Variants in NUPR1 observed in about 807,000 individuals in gnomAD.
The protein encoded by NUPR1 is nuclear protein 1, transcriptional regulator.
In NUPR1, 8 loss-of-function variants were observed where a neutral mutation model predicts 7.3. The observed-to-expected ratio is 1.09, with a 90% CI of 0.64 to 1.97. The LOEUF (loss-of-function observed/expected upper bound fraction) is 1.97. Among genes scored for constraint, NUPR1 ranks in the 30% most tolerant of loss-of-function variants. The probability of loss-of-function intolerance (pLI) is 0.00; values close to 1 mark genes in which losing one functional copy is unlikely to be tolerated. For synonymous variants in NUPR1, 39 were observed against 44.5 expected (o/e 0.88, Z 0.49); for missense variants, 96 against 111.7 (o/e 0.86, Z 0.63).
rs2046605012 is a variant in NUPR1 at position 28,535,503 on chromosome 16, T to TTTTCTTTCTTTCTTTCCTTC, written c.*2179_*2180insGAAGGAAAGAAAGAAAGAAA. The TTTTCTTTCTTTCTTTCCTTC allele has an allele frequency of 1.0e-5, 1 of 98,470 alleles. No homozygotes were observed. The highest frequency in any genetic ancestry group is 4.0e-5 in the African/African-American group (1 of 24,740). The allele number at this position is 98,470 out of a possible 1,614,324, so 6.1% of individuals were successfully genotyped here. A position where few individuals can be genotyped will look rare whatever the true frequency, so the allele number is the denominator to read the frequency against. Reference sequence around the variant, plus strand: ...TGAGCCACTGTGCCGGGGCTCGCTCTTTTCTTTCTTTCTTTCTTTCTTTCT... The same window carrying TTTTCTTTCTTTCTTTCCTTC: ...TGAGCCACTGTGCCGGGGCTCGCTCTTTTCTTTCTTTCTTTCCTTCTTTCTTTCTTTCTTTCTTTCTTTCT... On this transcript the variant is annotated 3_prime_UTR_variant, in exon 3 of 3. Transcript: ENST00000324873.
rs1555472537 is a variant in NUPR1, at chr16:28,535,552, T to TTTCTTTCC, written c.*2130_*2131insGGAAAGAA. ...CTTTCTTTCTTTCTTTCCTTCTTTC[T>TTTCTTTCC]TTCTTTCTTTCCTTCCTTCCTTTCT... On this transcript the variant is annotated 3_prime_UTR_variant, in exon 3 of 3. Transcript: ENST00000324873. 1.4e-3 allele frequency: 45 copies of TTTCTTTCC among 31,744 alleles called. No individual in the cohort carries two copies. Among genetic ancestry groups the TTTCTTTCC allele is most frequent in the East Asian group, 4.5e-3 (3 of 660 alleles). The allele number at this position is 31,744 out of a possible 1,614,324, so 2.0% of individuals were successfully genotyped here.
chr16:28,535,575 T>TTCCTTCCTTCCTTC lies in NUPR1; in HGVS notation c.*2107_*2108insGAAGGAAGGAAGGA, dbSNP rs1244240251. On this transcript the variant is annotated 3_prime_UTR_variant, in exon 3 of 3. Transcript: ENST00000324873. ...TCTTTCTTTCTTTCCTTCCTTCCTT[T>TTCCTTCCTTCCTTC]CTTTCTTTCTTTCTTTCTTTCTTTC... 25 of 41,400 alleles carry TTCCTTCCTTCCTTC rather than the reference T, an allele frequency of 6.0e-4. No homozygotes were observed. In the East Asian group the frequency reaches 0.016, roughly 26 times the overall value. 2.6% of individuals were successfully genotyped at this position (41,400 alleles called of 1,614,324 possible).
chr16:28,537,657 G>T lies in NUPR1; in HGVS notation c.*26C>A. ...CTCTATTGCTGGGTGTAGTGTCCAT[G>T]GTCTGGCCTCATCTGGGGGGTGAGG... On this transcript the variant is annotated 3_prime_UTR_variant, in exon 3 of 3. Coordinates refer to ENST00000324873, the MANE Select transcript of NUPR1 (RefSeq NM_012385.3). 4.2e-6 allele frequency: 1 copy of T among 235,410 alleles called. No homozygotes were observed. Among genetic ancestry groups the T allele is most frequent in the South Asian group, 6.0e-5 (1 of 16,578 alleles). 14.6% of individuals were successfully genotyped at this position (235,410 alleles called of 1,614,324 possible).
rs71140975 is a variant in NUPR1, at chr16:28,535,571, C to CCTTCTTTCTTTCCTTTCTTT, written c.*2111_*2112insAAAGAAAGGAAAGAAAGAAG. 1 of 71,950 alleles carries CCTTCTTTCTTTCCTTTCTTT rather than the reference C, an allele frequency of 1.4e-5. No homozygotes were observed. Among genetic ancestry groups the CCTTCTTTCTTTCCTTTCTTT allele is most frequent in the African/African-American group, 5.9e-5 (1 of 16,932 alleles). The allele number at this position is 71,950 out of a possible 1,614,324, so 4.5% of individuals were successfully genotyped here. A position where few individuals can be genotyped will look rare whatever the true frequency, so the allele number is the denominator to read the frequency against. ...TCTTTCTTTCTTTCTTTCCTTCCTT[C>CCTTCTTTCTTTCCTTTCTTT]CTTTCTTTCTTTCTTTCTTTCTTTC... On this transcript the variant is annotated 3_prime_UTR_variant, in exon 3 of 3. Transcript: ENST00000324873.
Position 28,535,571 on chromosome 16 carries a change from CCTTTCTTT to C in NUPR1, c.*2104_*2111del, listed in dbSNP as rs61474495. 3 of 71,948 alleles carry C rather than the reference CCTTTCTTT, an allele frequency of 4.2e-5. No individual in the cohort carries two copies. Among genetic ancestry groups the C allele is most frequent in the African/African-American group, 1.8e-4 (3 of 16,930 alleles). 4.5% of individuals were successfully genotyped at this position (71,948 alleles called of 1,614,324 possible). Reference sequence around the variant, plus strand: ...TCTTTCTTTCTTTCTTTCCTTCCTTCCTTTCTTTCTTTCTTTCTTTCTTTCTTTCTTTC... The same window carrying C: ...TCTTTCTTTCTTTCTTTCCTTCCTTCCTTTCTTTCTTTCTTTCTTTCTTTC... On this transcript the variant is annotated 3_prime_UTR_variant, in exon 3 of 3. Transcript: ENST00000324873.
Position 28,535,540 on chromosome 16 carries a change from T to TTTCTTTCCTTCCTTCC in NUPR1, c.*2142_*2143insGGAAGGAAGGAAAGAA, listed in dbSNP as rs1487422180. On this transcript the variant is annotated 3_prime_UTR_variant, in exon 3 of 3. Coordinates refer to ENST00000324873, the MANE Select transcript of NUPR1 (RefSeq NM_012385.3). Reference sequence around the variant, plus strand: ...CTTTCTTTCTTTCTTTCTTTCTTTCTTTCCTTCTTTCTTTCTTTCTTTCCT... The same window carrying TTTCTTTCCTTCCTTCC: ...CTTTCTTTCTTTCTTTCTTTCTTTCTTTCTTTCCTTCCTTCCTTCCTTCTTTCTTTCTTTCTTTCCT... 1.5e-5 allele frequency: 1 copy of TTTCTTTCCTTCCTTCC among 65,056 alleles called. No individual in the cohort carries two copies. The highest frequency in any genetic ancestry group is 4.8e-5 in the African/African-American group (1 of 20,776). 4.0% of individuals were successfully genotyped at this position (65,056 alleles called of 1,614,324 possible).
Position 28,535,592 on chromosome 16 carries a change from C to CCTTTCTTTCTTTCT in NUPR1, c.*2090_*2091insAGAAAGAAAGAAAG, listed in dbSNP as rs2046613892. 5.4e-5 allele frequency: 2 copies of CCTTTCTTTCTTTCT among 36,992 alleles called. No homozygotes were observed. Among genetic ancestry groups the CCTTTCTTTCTTTCT allele is most frequent in the African/African-American group, 2.4e-4 (2 of 8,424 alleles). The allele number at this position is 36,992 out of a possible 1,614,324, so 2.3% of individuals were successfully genotyped here. On this transcript the variant is annotated 3_prime_UTR_variant, in exon 3 of 3. Coordinates refer to ENST00000324873, the MANE Select transcript of NUPR1 (RefSeq NM_012385.3). ...CCTTCCTTTCTTTCTTTCTTTCTTT[C>CCTTTCTTTCTTTCT]TTTCTTTCTTTCTTTCTTTCTTTCT... is the stretch of plus-strand genomic sequence containing the variant.
In NUPR1 at chr16:28,536,103, C is replaced by G. The variant is rs2046621842; in HGVS notation, c.*1580G>C. ...GGCGTGGTGGCTGACGCCTGTAATC[C>G]CAGCACTTTGGGAGGCCAAGGTGGG... On this transcript the variant is annotated 3_prime_UTR_variant, in exon 3 of 3. Coordinates refer to ENST00000324873, the MANE Select transcript of NUPR1 (RefSeq NM_012385.3). The G allele has an allele frequency of 6.6e-6, 1 of 152,150 alleles. No individual in the cohort carries two copies. The highest frequency in any genetic ancestry group is 1.5e-5 in the Non-Finnish European group (1 of 68,072). 9.4% of individuals were successfully genotyped at this position (152,150 alleles called of 1,614,324 possible).
chr16:28,533,499 A>T lies in NUPR1; in HGVS notation c.*4184T>A, dbSNP rs1329983965. The T allele has an allele frequency of 6.6e-6, 1 of 152,264 alleles. No homozygotes were observed. The highest frequency in any genetic ancestry group is 1.9e-4 in the East Asian group (1 of 5,176). 9.4% of individuals were successfully genotyped at this position (152,264 alleles called of 1,614,324 possible). ...GAGATCCTCTCACCTCAGCCTCCTG[A>T]GTAGGTGGGCCCACAGGCACAAGCC... On this transcript the variant is annotated 3_prime_UTR_variant, in exon 3 of 3. Transcript: ENST00000324873.
chr16:28,535,271 C>G lies in NUPR1; in HGVS notation c.*2412G>C, dbSNP rs1310562770. On this transcript the variant is annotated 3_prime_UTR_variant, in exon 3 of 3. Transcript: ENST00000324873. ...CCTCCTTTCCTCCTTCCCTCCTTCC[C>G]TCCCTCCTTTCCTTCCTCTTTCTTT... 1 of 151,820 alleles carries G rather than the reference C, an allele frequency of 6.6e-6. No individual in the cohort carries two copies. Among genetic ancestry groups the G allele is most frequent in the Non-Finnish European group, 1.5e-5 (1 of 67,944 alleles). The allele number at this position is 151,820 out of a possible 1,614,324, so 9.4% of individuals were successfully genotyped here.
rs374256955 is a variant in NUPR1 at position 28,532,987 on chromosome 16, C to G, written c.*4696G>C. On this transcript the variant is annotated 3_prime_UTR_variant, in exon 3 of 3. Transcript: ENST00000324873. ...AACACTTCTCACAGAATAGGAGCTC[C>G]AAACACAGCAGAGATGTTTCCAGGA... 2.0e-5 allele frequency: 3 copies of G among 152,302 alleles called. No individual in the cohort carries two copies. The highest frequency in any genetic ancestry group is 7.2e-5 in the African/African-American group (3 of 41,558). The allele number at this position is 152,302 out of a possible 1,614,324, so 9.4% of individuals were successfully genotyped here. A position where few individuals can be genotyped will look rare whatever the true frequency, so the allele number is the denominator to read the frequency against.
At chr16:28,538,302 ATG>A in intron 1 of NUPR1, 147 bp from the exon 2 acceptor site, 1 of 1,191,448 alleles carries the variant, frequency 8.4e-7, no homozygotes, top group Non-Finnish European at 1.2e-6. Context: ...GGGACCCCAG[ATG>A]TGTGTGAGGT....
chr16:28,538,184 A>G, intron 1 of NUPR1, 29 bp from the exon 2 acceptor site: 1 of 1,613,802 alleles, frequency 6.2e-7, no homozygotes, highest in Non-Finnish European at 8.5e-7. Context: ...TCAGAGGTGA[A>G]GTGGGCATAG....
At position 28,535,107 on chromosome 16, in the gene NUPR1, A is replaced by G. The variant is rs1171804715; in HGVS notation, c.*2576T>C. On this transcript the variant is annotated 3_prime_UTR_variant, in exon 3 of 3. Transcript: ENST00000324873. ...TCCTGAGACATAGCACTGAATAAGA[A>G]TCTCCCTCCCCCATCTCACTTCCCA... The G allele has an allele frequency of 6.6e-6, 1 of 151,858 alleles. No homozygotes were observed. Among genetic ancestry groups the G allele is most frequent in the Non-Finnish European group, 1.5e-5 (1 of 67,986 alleles). 9.4% of individuals were successfully genotyped at this position (151,858 alleles called of 1,614,324 possible).
At chr16:28,538,737 G>A in intron 1 of NUPR1, 59 bp downstream of exon 1, 1 of 1,241,702 alleles carries the variant, frequency 8.1e-7, no homozygotes, top group East Asian at 2.3e-5. Flanking sequence ...AAACAAGAGG[G>A]GTGGGTCCTG....
At position 28,538,790 on chromosome 16, in the gene NUPR1, C is replaced by A. The variant is rs1163758030; in HGVS notation, c.112+6G>T. ...AGGACCGTGGAGATGGCTGAGTGGG[C>A]CTTACCGAGGTAGGAATGGGCCAGG... On this transcript the variant is annotated splice_donor_region_variant and intron_variant, in intron 1 of 2. Coordinates refer to ENST00000324873, the MANE Select transcript of NUPR1 (RefSeq NM_012385.3). The A allele has an allele frequency of 6.2e-7, 1 of 1,601,568 alleles. No homozygotes were observed.
At position 28,535,229 on chromosome 16, in the gene NUPR1, C is replaced by T. The variant is rs1386595967; in HGVS notation, c.*2454G>A. ...GAGCCCTGAGTGAGCTAGGGCAAATCCCTTAATATTTCCTTCCCTCCTTTC... is the reference window on the plus strand; with the variant it reads ...GAGCCCTGAGTGAGCTAGGGCAAATTCCTTAATATTTCCTTCCCTCCTTTC... On this transcript the variant is annotated 3_prime_UTR_variant, in exon 3 of 3. Transcript: ENST00000324873. 6.6e-6 allele frequency: 1 copy of T among 152,226 alleles called. No homozygotes were observed. 9.4% of individuals were successfully genotyped at this position (152,226 alleles called of 1,614,324 possible). A position where few individuals can be genotyped will look rare whatever the true frequency, so the allele number is the denominator to read the frequency against.
In NUPR1 at chr16:28,536,668, G is replaced by C. The variant is rs2046625896; in HGVS notation, c.*1015C>G. On this transcript the variant is annotated 3_prime_UTR_variant, in exon 3 of 3. Transcript: ENST00000324873. ...TGCTCCCAGACTTTAGTTTTTGTTT[G>C]TTTGTTTGTTTTGAGACAGAGTCTC... The C allele has an allele frequency of 1.3e-5, 2 of 152,956 alleles. No individual in the cohort carries two copies. The highest frequency in any genetic ancestry group is 4.1e-4 in the South Asian group (2 of 4,836). The allele number at this position is 152,956 out of a possible 1,614,324, so 9.5% of individuals were successfully genotyped here.
At chr16:28,538,306 G>A in intron 1 of NUPR1, 151 bp from the exon 2 acceptor site, 2 of 1,103,654 alleles carry the variant, frequency 1.8e-6, no homozygotes, top group Non-Finnish European at 2.6e-6. Flanking sequence ...CCCCAGATGT[G>A]TGTGAGGTCC....
Sources: gnomAD v4.1 joint callset for allele counts on GRCh38, gnomAD v4.1.1 for gene constraint, MANE v1.5 for transcripts, NCBI Gene and HGNC (gene_info 2026-07-23, HGNC 2026-07-21) for gene names.